FGD6: variants seen among roughly 807,000 people sequenced by gnomAD.
FGD6 encodes the protein FYVE, RhoGEF and PH domain containing 6.
Under a neutral mutation model 149.4 loss-of-function variants are expected in FGD6, and 90 were observed. The observed-to-expected ratio is 0.60, with a 90% CI of 0.51 to 0.72. The LOEUF (loss-of-function observed/expected upper bound fraction) is 0.72. Among genes scored for constraint, FGD6 ranks in the 30% least tolerant of loss-of-function variants. The pLI is 0.00. For missense variants in FGD6, 1,437 were observed against 1,684.8 expected, an observed-to-expected ratio of 0.85 and a Z score of 2.57; for synonymous variants, 527 against 584.0, an observed-to-expected ratio of 0.90 and a Z score of 1.41.
At chr12:95,093,534 A>T (rs1237403113) in intron 15 of FGD6, among the ~76,000 whole-genome samples, 1 of 150,822 alleles carries the variant, frequency 6.6e-6, no homozygotes, top group African/African-American at 2.4e-5. Context: ...AACGACAATT[A>T]GCATGGTGGC....
intron 2 of FGD6, among the ~76,000 whole-genome samples, chr12:95,192,325 G>A (rs1453493229): frequency 6.6e-6 from 1 of 152,148 alleles, no homozygotes; most frequent in Non-Finnish European, 1.5e-5. Context: ...TTGGTGCTGT[G>A]CAACAGTAGA....
Position 95,210,224 on chromosome 12 carries a change from T to C in FGD6, c.1060A>G (p.Asn354Asp). The C allele has an allele frequency of 6.2e-7, 1 of 1,614,184 alleles. No individual in the cohort carries two copies. Among genetic ancestry groups the C allele is most frequent in the Admixed American group, 1.7e-5 (1 of 60,024 alleles). The change falls in exon 2 of 21, where the codon AAT becomes GAT. Residue 354 changes from asparagine to aspartate, a missense_variant. Asn to Asp is a conservative substitution (Grantham distance 23, BLOSUM62 1). Transcript: ENST00000343958. Reference protein sequence around the residue: ...SDSSSSCLTENSLKINKISVL... With the variant: ...SDSSSSCLTEDSLKINKISVL... The stretch of plus-strand genomic sequence containing the variant: ...CTGATTTTATTGATTTTCAAACTAT[T>C]TTCAGTAAGACAGGAAGAGCTACTG...
chr12:95,155,818 T>G (rs139382333), intron 3 of FGD6, among the ~76,000 whole-genome samples: 2,276 of 152,240 alleles, frequency 0.015, 26 homozygotes, highest in Middle Eastern at 0.044. Context: ...GAACCCCAAA[T>G]GGAGGGACTG....
rs142365627 is a variant in FGD6, at chr12:95,116,341, T to C, written c.3083-2640A>G. Among the ~76,000 whole-genome samples, 14 of 152,332 alleles carry C rather than the reference T, an allele frequency of 9.2e-5. No homozygotes were observed. In the East Asian group the frequency reaches 2.5e-3, roughly 27 times the overall value. The stretch of plus-strand genomic sequence containing the variant: ...AAGTGATTTTCCTTAAGCTGTTAGA[T>C]AGTTACTATATCTTGTTGTGGGAAG... On this transcript the variant is annotated intron_variant, in intron 8 of 20. Coordinates refer to ENST00000343958, the MANE Select transcript of FGD6 (RefSeq NM_018351.4).
chr12:95,208,705 G>T, intron 2 of FGD6, 138 bp downstream of exon 2: 2 of 1,000,606 alleles, frequency 2.0e-6, no homozygotes, highest in Non-Finnish European at 2.9e-6. Context: ...AAAGGAGGCT[G>T]CACTTGAGAA....
chr12:95,081,357 CT>C lies in FGD6; in HGVS notation c.*162del. The C allele has an allele frequency of 2.2e-6, 1 of 446,012 alleles. No homozygotes were observed. Among genetic ancestry groups the C allele is most frequent in the Non-Finnish European group, 3.9e-6 (1 of 257,500 alleles). The allele number at this position is 446,012 out of a possible 1,614,324, so 27.6% of individuals were successfully genotyped here. A position where few individuals can be genotyped will look rare whatever the true frequency, so the allele number is the denominator to read the frequency against. On this transcript the variant is annotated 3_prime_UTR_variant, in exon 21 of 21. Coordinates refer to ENST00000343958, the MANE Select transcript of FGD6 (RefSeq NM_018351.4). ...ATAACATAAATGAAAAAACAAACAC[CT>C]TTTAAAAATTGCTTATACCTAACAA...
In FGD6 at chr12:95,094,608, C is replaced by G; in HGVS notation, c.3584G>C (p.Ser1195Thr). 1 of 1,609,510 alleles carries G rather than the reference C, an allele frequency of 6.2e-7. No homozygotes were observed. The highest frequency in any genetic ancestry group is 8.5e-7 in the Non-Finnish European group (1 of 1,177,054). The change falls in exon 15 of 21, where the codon AGT becomes ACT. Residue 1195 changes from serine (S) to threonine (T), a missense_variant. Coordinates refer to ENST00000343958, the MANE Select transcript of FGD6 (RefSeq NM_018351.4). Reference sequence around the variant, plus strand: ...AAACAATACCTCATCAAGACTCCTACTAGGACAGAAGGTGATTCTTTTCTT... The same window carrying G: ...AAACAATACCTCATCAAGACTCCTAGTAGGACAGAAGGTGATTCTTTTCTT... The part of the protein sequence containing the change: ...YAKKRITFCP[S>T]RSLDEADSEN...
chr12:95,215,148 A>G (rs2056747519), intron 1 of FGD6, among the ~76,000 whole-genome samples: 1 of 152,164 alleles, frequency 6.6e-6, no homozygotes, highest in African/African-American at 2.4e-5. Flanking sequence ...GGCTTGAGCC[A>G]CTGCGCCCAG....
intron 8 of FGD6, among the ~76,000 whole-genome samples, chr12:95,129,362 T>C (rs927893442): frequency 6.8e-6 from 1 of 147,704 alleles, no homozygotes; most frequent in Non-Finnish European, 1.5e-5. Flanking sequence ...CATCCATCCA[T>C]CCAACATTCA....
At position 95,209,082 on chromosome 12, in the gene FGD6, C is replaced by G; in HGVS notation, c.2202G>C (p.Gln734His). Residue 734 changes from glutamine to histidine, a missense_variant, in exon 2 of 21, where the codon CAG becomes CAC. Gln to His is a conservative substitution (Grantham distance 24). Transcript: ENST00000343958. ...DQMLSRESSS[Q>H]APYKSVTSLC... ...GGCTTGTAACAGACTTGTAAGGTGCCTGAGATGATGACTCCCGGGAGAGCA... is the reference window on the plus strand; with the variant it reads ...GGCTTGTAACAGACTTGTAAGGTGCGTGAGATGATGACTCCCGGGAGAGCA... The G allele has an allele frequency of 6.2e-7, 1 of 1,614,126 alleles. No individual in the cohort carries two copies. Among genetic ancestry groups the G allele is most frequent in the Non-Finnish European group, 8.5e-7 (1 of 1,180,032 alleles).
intron 8 of FGD6, among the ~76,000 whole-genome samples, chr12:95,115,089 A>C (rs1878966450): frequency 6.6e-6 from 1 of 152,218 alleles, no homozygotes; most frequent in Admixed American, 6.5e-5. Context: ...AACACATGAC[A>C]CAGCAGTCTC....
intron 3 of FGD6, among the ~76,000 whole-genome samples, chr12:95,167,865 G>A (rs903381604): frequency 2.6e-5 from 4 of 151,914 alleles, no homozygotes; most frequent in Non-Finnish European, 5.9e-5. Context: ...GTGAGCCCCC[G>A]CGCCCAGCCA....
In FGD6 at chr12:95,210,779, G is replaced by T. The variant is rs1369477284; in HGVS notation, c.505C>A (p.Gln169Lys). 1 of 1,614,000 alleles carries T rather than the reference G, an allele frequency of 6.2e-7. No homozygotes were observed. The highest frequency in any genetic ancestry group is 1.7e-5 in the Admixed American group (1 of 59,972). Residue 169 changes from glutamine to lysine, a missense_variant, in exon 2 of 21, where the codon CAG (glutamine) becomes AAG (lysine). Gln to Lys is a moderately conservative substitution (Grantham distance 53). Around this residue, in one of 2 missense-constraint regions of FGD6, gnomAD observed 1,055 missense variants for 1,146.0 expected, o/e 0.92. Coordinates refer to ENST00000343958, the MANE Select transcript of FGD6 (RefSeq NM_018351.4). ...CDLYGEKAKN[Q>K]GGVVLKASVL... ...CTTGCCTTTAAAACAACCCCACCCT[G>T]GTTCTTGGCTTTTTCACCATACAAA...
intron 8 of FGD6, among the ~76,000 whole-genome samples, chr12:95,114,493 C>CACACACACACACACACGT (rs1555217714): frequency 1.4e-5 from 2 of 142,924 alleles, no homozygotes; most frequent in Non-Finnish European, 3.0e-5. Context: ...CACACACACA[C>CACACACACACACACACGT]GTCAGACGTG....
rs75363763 is a variant in FGD6 at position 95,197,493 on chromosome 12, C to T, written c.2441+11350G>A. Among the ~76,000 whole-genome samples the T allele has an allele frequency of 8.2e-3, 1,254 of 152,254 alleles. 12 individuals carry two copies. The highest frequency in any genetic ancestry group is 0.021 in the South Asian group (99 of 4,820). On this transcript the variant is annotated intron_variant, in intron 2 of 20. Transcript: ENST00000343958. ...AAAGGCTCCATAAAGTCTTCCTTCT[C>T]TAAGAAATCTTCAACTAATTAGAGG...
rs540903627 is a variant in FGD6, at chr12:95,163,135, A to G, written c.2586+9465T>C. ...CGCCAAGGGTATTAGGCATTTCTCA[A>G]CATGTCCACTCACCTTCACCAGGCT... On this transcript the variant is annotated intron_variant, in intron 3 of 20. Transcript: ENST00000343958. Among the ~76,000 whole-genome samples the G allele has an allele frequency of 2.0e-4, 31 of 152,234 alleles. 2 individuals carry two copies. In the East Asian group the frequency reaches 5.8e-3, roughly 28 times the overall value.
At position 95,211,033 on chromosome 12, in the gene FGD6, T is replaced by C. The variant is rs2136304735; in HGVS notation, c.251A>G (p.Gln84Arg). 6.2e-7 allele frequency: 1 copy of C among 1,614,078 alleles called. No homozygotes were observed. Among genetic ancestry groups the C allele is most frequent in the Non-Finnish European group, 8.5e-7 (1 of 1,180,018 alleles). Residue 84 changes from glutamine to arginine, a missense_variant, in exon 2 of 21, where the codon CAG (glutamine) becomes CGG (arginine). By Grantham distance (43) the Gln-to-Arg change is conservative. Transcript: ENST00000343958. ...KIMLNLEGHK[Q>R]ELAESTDNFN... is the part of the protein sequence containing the mutation. Reference sequence around the variant, plus strand: ...GTTGTCAGTGCTTTCAGCTAATTCCTGTTTATGCCCTTCCAGGTTCAACAT... The same window carrying C: ...GTTGTCAGTGCTTTCAGCTAATTCCCGTTTATGCCCTTCCAGGTTCAACAT...
At chr12:95,108,324 C>T (rs375035316) in intron 11 of FGD6, 24 bp downstream of exon 11, 6 of 1,606,960 alleles carry the variant, frequency 3.7e-6, no homozygotes, top group South Asian at 2.2e-5. Context: ...ATTAAGTTTG[C>T]GAAAAGCAAT....
chr12:95,110,241 G>A (rs991522945), intron 9 of FGD6, among the ~76,000 whole-genome samples: 38 of 152,040 alleles, frequency 2.5e-4, no homozygotes, highest in African/African-American at 8.9e-4. Flanking sequence ...CTCCCAAAGT[G>A]CTGGGATTAC....
Sources: gnomAD v4.1 joint callset for allele counts (sites outside exome capture counted in the v4.1 genomes callset) on GRCh38, gnomAD v4.1.1 for gene constraint, gnomAD v4.1.1 regional missense constraint, MANE v1.5 for transcripts, NCBI Gene and HGNC (gene_info 2026-07-23, HGNC 2026-07-21) for gene names.